Variants in PNPLA6 observed in about 807,000 individuals in gnomAD.
The protein encoded by PNPLA6 is patatin-like phospholipase domain-containing protein 6.
A neutral mutation model predicts 153.7 loss-of-function variants in PNPLA6; 105 were observed. The observed-to-expected ratio is 0.68, with a 90% CI of 0.58 to 0.80. The LOEUF is 0.80. Ranked by LOEUF, PNPLA6 falls within the 30% of genes least tolerant of loss-of-function variation. PNPLA6 has a pLI of 0.00. For synonymous variants in PNPLA6, 825 were observed against 822.2 expected (o/e 1.00, Z -0.06); for missense variants, 1,423 against 1,919.3 (o/e 0.74, Z 4.83).
At chr19:7,542,252 G>C (rs2023184115) in intron 10 of PNPLA6, among the ~76,000 whole-genome samples, 185 bp downstream of exon 10, 1 of 152,218 alleles carries the variant, frequency 6.6e-6, no homozygotes, top group African/African-American at 2.4e-5. Flanking sequence ...GATTCAGAGG[G>C]AGAGTGCAGG....
intron 11 of PNPLA6, 30 bp from the exon 12 acceptor site, chr19:7,542,731 A>C (rs1217008102): frequency 1.2e-6 from 2 of 1,612,686 alleles, no homozygotes; most frequent in Non-Finnish European, 1.7e-6. Context: ...GGGAGGGAGC[A>C]TCAGGAGGTC....
intron 13 of PNPLA6, among the ~76,000 whole-genome samples, chr19:7,548,814 T>TG (rs2023507273): frequency 1.3e-5 from 2 of 150,498 alleles, no homozygotes; most frequent in South Asian, 4.1e-4. Flanking sequence ...TTTTTTTTTT[T>TG]TTTTTTGAGA....
chr19:7,540,248 G>A lies in PNPLA6; in HGVS notation c.654G>A (p.Gln218=). The part of the protein sequence containing the change: ...GQGDYVFRPG[Q]PDASIYVVQD... The stretch of plus-strand genomic sequence containing the variant: ...GTGACTACGTCTTCCGGCCGGGCCA[G>A]CCAGATGCCAGCATCTACGTGGTGC... Residue 218 remains glutamine (Q), a synonymous_variant, in exon 5 of 32, where the codon CAG becomes CAA. Coordinates refer to ENST00000600737, the MANE Select transcript of PNPLA6 (RefSeq NM_001166114.2). This position sits in a 1 kb window ranked among gnomAD's most constrained non-coding sequence, Gnocchi z 6.8. 1 of 1,609,214 alleles carries A rather than the reference G, an allele frequency of 6.2e-7. No individual in the cohort carries two copies. The highest frequency in any genetic ancestry group is 8.5e-7 in the Non-Finnish European group (1 of 1,180,004).
chr19:7,553,801 G>T, intron 18 of PNPLA6, 74 bp from the exon 19 acceptor site: 1 of 1,580,118 alleles, frequency 6.3e-7, no homozygotes, highest in Non-Finnish European at 8.7e-7. Context: ...GGAAGAGGAA[G>T]AAGAGGAGGA....
rs2023068741 is a variant in PNPLA6, at chr19:7,540,265, A to G, written c.671A>G (p.Tyr224Cys). 23 of 1,609,068 alleles carry G rather than the reference A, an allele frequency of 1.4e-5. No homozygotes were observed. The highest frequency in any genetic ancestry group is 1.9e-5 in the Non-Finnish European group (22 of 1,179,986). ...FRPGQPDASI[Y>C]VVQDGLLELC... ...CCGGGCCAGCCAGATGCCAGCATCT[A>G]CGTGGTGCAGGACGGGCTGCTGGAG... The change falls in exon 5 of 32, where the codon TAC becomes TGC. Residue 224 changes from tyrosine to cysteine, a missense_variant. Tyr to Cys is a radical substitution (Grantham distance 194). Transcript: ENST00000600737. The surrounding 1 kb of genome is among the most constrained non-coding windows in gnomAD (Gnocchi z 6.8).
In PNPLA6 at chr19:7,551,353, C is replaced by G. The variant is rs747859135; in HGVS notation, c.2185-9C>G. 3.7e-6 allele frequency: 6 copies of G among 1,613,660 alleles called. No individual in the cohort carries two copies. The South Asian group carries it at 5.5e-5, about 15-fold the overall frequency. On this transcript the variant is annotated splice_polypyrimidine_tract_variant and intron_variant, in intron 17 of 31. Transcript: ENST00000600737. ...GTCTCACTGAAATGCCGGCCTCCAA[C>G]GCCCCCAGGTCGTGACCCGCCTTAT...
chr19:7,540,506 G>A lies in PNPLA6; in HGVS notation c.715-124G>A. 2 of 1,019,032 alleles carry A rather than the reference G, an allele frequency of 2.0e-6. No homozygotes were observed. Among genetic ancestry groups the A allele is most frequent in the Non-Finnish European group, 3.1e-6 (2 of 650,524 alleles). The allele number at this position is 1,019,032 out of a possible 1,614,324, so 63.1% of individuals were successfully genotyped here. On this transcript the variant is annotated intron_variant, in intron 5 of 31. Transcript: ENST00000600737. This position sits in a 1 kb window ranked among gnomAD's most constrained non-coding sequence, Gnocchi z 6.8. The stretch of plus-strand genomic sequence containing the variant: ...AACGATGGGAGATGCCTGCTCGTTG[G>A]AAGGGTTGGTGGGTTCCCCTGAGAA...
At chr19:7,535,445 G>A (rs1040363908), upstream of PNPLA6, 1 of 1,180,448 alleles carries the variant, frequency 8.5e-7, no homozygotes, top group Non-Finnish European at 1.2e-6. The surrounding 1 kb of genome is among the most constrained non-coding windows in gnomAD (Gnocchi z 5.0). Flanking sequence ...AGGGCTTGAG[G>A]CAGGGGAGAG....
In PNPLA6 at chr19:7,550,061, G is replaced by A. The variant is rs1200948611; in HGVS notation, c.1763G>A (p.Arg588Gln). The change falls in exon 14 of 32, where the codon CGA (arginine) becomes CAA (glutamine). Residue 588 changes from arginine to glutamine, a missense_variant. Transcript: ENST00000600737. ...GGCGAACCTCTCATCTTCACACTGCGAGCCCAACGCGACTGCACCTTCCTG... is the reference window on the plus strand; with the variant it reads ...GGCGAACCTCTCATCTTCACACTGCAAGCCCAACGCGACTGCACCTTCCTG... ...LTGEPLIFTL[R>Q]AQRDCTFLRI... 2 of 1,614,070 alleles carry A rather than the reference G, an allele frequency of 1.2e-6. No homozygotes were observed. Among genetic ancestry groups the A allele is most frequent in the Non-Finnish European group, 8.5e-7 (1 of 1,180,052 alleles).
Position 7,553,787 on chromosome 19 carries a change from A to C in PNPLA6, c.2261-88A>C, listed in dbSNP as rs1455583216. ...AGCACAGGAGCAAGAATTTCAGATA[A>C]GGAGGAAGAGGAAGAAGAGGAGGAG... On this transcript the variant is annotated intron_variant, in intron 18 of 31. Transcript: ENST00000600737. 41 of 1,546,942 alleles carry C rather than the reference A, an allele frequency of 2.7e-5. 1 individual carries two copies. Among genetic ancestry groups the C allele is most frequent in the Non-Finnish European group, 2.6e-5 (29 of 1,119,406 alleles).
rs199790248 is a variant in PNPLA6, at chr19:7,552,766, AAAG to A, written c.2261-1106_2261-1104del. Among the ~76,000 whole-genome samples the A allele has an allele frequency of 1.7e-3, 173 of 101,306 alleles. 7 individuals carry two copies. In the East Asian group the frequency reaches 0.025, roughly 14 times the overall value. The allele number at this position is 101,306 out of a possible 152,430, so 66.5% of individuals were successfully genotyped here. A position where few individuals can be genotyped will look rare whatever the true frequency, so the allele number is the denominator to read the frequency against. ...GCAAAACTCCATCTCAAAAAAAAAA[AAAG>A]AAAGAAAAAAAAAAAGAAAAGAAAA... On this transcript the variant is annotated intron_variant, in intron 18 of 31. Transcript: ENST00000600737.
At chr19:7,547,811 A>ATTTTT (rs71286227) in intron 13 of PNPLA6, among the ~76,000 whole-genome samples, 49 of 114,558 alleles carry the variant, frequency 4.3e-4, no homozygotes, top group Admixed American at 5.1e-4. Context: ...CTAATTAAAA[A>ATTTTT]TTTTTTTTTT....
At position 7,540,840 on chromosome 19, in the gene PNPLA6, T is replaced by G; in HGVS notation, c.796-83T>G. 1 of 1,595,174 alleles carries G rather than the reference T, an allele frequency of 6.3e-7. No individual in the cohort carries two copies. The highest frequency in any genetic ancestry group is 1.7e-5 in the Admixed American group (1 of 59,934). On this transcript the variant is annotated intron_variant, in intron 6 of 31. Transcript: ENST00000600737. This position sits in a 1 kb window ranked among gnomAD's most constrained non-coding sequence, Gnocchi z 6.8. ...TGCTGCCGATGGCCCCTCACGGGAC[T>G]GGCGCCAGGAAGGATTAGGGGAGTA...
chr19:7,551,171 C>A, intron 17 of PNPLA6, 64 bp downstream of exon 17: 4 of 1,096,880 alleles, frequency 3.6e-6, no homozygotes, highest in Non-Finnish European at 2.7e-6. Context: ...GGGGGCCGGG[C>A]CTAGTGTGTG....
rs775765594 is a variant in PNPLA6, at chr19:7,535,751, C to T, written c.-38C>T. 2.6e-6 allele frequency: 4 copies of T among 1,518,638 alleles called. No homozygotes were observed. Among genetic ancestry groups the T allele is most frequent in the Non-Finnish European group, 3.5e-6 (4 of 1,133,400 alleles). The allele number at this position is 1,518,638 out of a possible 1,614,324, so 94.1% of individuals were successfully genotyped here. ...GCCGCCGGGCCTCAGGGAAGAGTCG[C>T]GCCCCCGGGGAGGGAGCAGCACTGG... On this transcript the variant is annotated 5_prime_UTR_variant, in exon 1 of 32. Coordinates refer to ENST00000600737, the MANE Select transcript of PNPLA6 (RefSeq NM_001166114.2). This position sits in a 1 kb window ranked among gnomAD's most constrained non-coding sequence, Gnocchi z 5.0.
At position 7,540,061 on chromosome 19, in the gene PNPLA6, C is replaced by G; in HGVS notation, c.554+3C>G. ...CTTTATATGCTCAAGAACGTCCGGTCAGTGTTGGGGTGCAGGTGGGGGTGG... is the reference window on the plus strand; with the variant it reads ...CTTTATATGCTCAAGAACGTCCGGTGAGTGTTGGGGTGCAGGTGGGGGTGG... On this transcript the variant is annotated splice_donor_region_variant and intron_variant, in intron 4 of 31. Transcript: ENST00000600737. The surrounding 1 kb of genome is among the most constrained non-coding windows in gnomAD (Gnocchi z 6.8). 6.2e-7 allele frequency: 1 copy of G among 1,614,004 alleles called. No homozygotes were observed. The highest frequency in any genetic ancestry group is 8.5e-7 in the Non-Finnish European group (1 of 1,179,984).
At chr19:7,534,564 C>G (rs1053969650), upstream of PNPLA6, 1 of 154,576 alleles carries the variant, frequency 6.5e-6, no homozygotes, top group Non-Finnish European at 1.4e-5. Flanking sequence ...ATTCCAGCAT[C>G]TCTCAGTATC....
intron 31 of PNPLA6, 40 bp from the exon 32 acceptor site, chr19:7,561,448 G>C (rs1311194486): frequency 7.1e-6 from 11 of 1,544,520 alleles, no homozygotes; most frequent in Non-Finnish European, 9.8e-6. Context: ...ACGCATCAGT[G>C]TCCCGTGCTG....
intron 3 of PNPLA6, among the ~76,000 whole-genome samples, chr19:7,537,966 TAGA>T (rs2022954758): frequency 6.6e-6 from 1 of 151,778 alleles, no homozygotes; most frequent in Admixed American, 6.6e-5. Context: ...GTGAGTTGAG[TAGA>T]AGGACTATCT....
Sources: gnomAD v4.1 joint callset for allele counts (sites outside exome capture counted in the v4.1 genomes callset) on GRCh38, gnomAD v4.1.1 for gene constraint, Gnocchi (gnomAD v3.1) non-coding constraint, MANE v1.5 for transcripts, NCBI Gene and HGNC (gene_info 2026-07-23, HGNC 2026-07-21) for gene names.